Variants in CAGE1 observed in about 807,000 individuals in gnomAD.
CAGE1 encodes cancer antigen 1, also known as cancer-associated gene 1 protein.
A neutral mutation model predicts 94.9 loss-of-function variants in CAGE1; 66 were observed. That is an observed-to-expected ratio of 0.70 (90% CI 0.57 to 0.85). The LOEUF (loss-of-function observed/expected upper bound fraction) is 0.85. Ranked by LOEUF, CAGE1 falls within the 40% of genes least tolerant of loss-of-function variation. CAGE1 has a pLI of 0.00. For synonymous variants in CAGE1, 319 were observed against 321.0 expected (o/e 0.99, Z 0.07); for missense variants, 865 against 950.4 (o/e 0.91, Z 1.18).
At chr6:7,349,932 CA>C (rs761682237) in intron 11 of CAGE1, among the ~76,000 whole-genome samples, 4,737 of 77,588 alleles carry the variant, frequency 0.061, 95 homozygotes, top group Non-Finnish European at 0.085. Flanking sequence ...ACACTTGTCT[CA>C]AAAAAAAAAA....
At chr6:7,363,029 C>T (rs1049471837) in intron 9 of CAGE1, among the ~76,000 whole-genome samples, 1 of 152,152 alleles carries the variant, frequency 6.6e-6, no homozygotes, top group African/African-American at 2.4e-5. Context: ...TTCCCAGAGA[C>T]TTTGAGAGGC....
intron 12 of CAGE1, chr6:7,331,286 T>C (rs1758745023): frequency 1.1e-6 from 1 of 913,120 alleles, no homozygotes. Flanking sequence ...CAGTGGTTTA[T>C]CACATGGCAA....
intron 11 of CAGE1, among the ~76,000 whole-genome samples, chr6:7,334,493 C>T (rs1267936656): frequency 6.6e-6 from 1 of 152,100 alleles, no homozygotes; most frequent in African/African-American, 2.4e-5. Flanking sequence ...CTTTGGGAGG[C>T]TGAGGCAGGC....
At chr6:7,329,677 A>G (rs1758677462) in intron 13 of CAGE1, among the ~76,000 whole-genome samples, 172 bp downstream of exon 13, 1 of 152,140 alleles carries the variant, frequency 6.6e-6, no homozygotes, top group Non-Finnish European at 1.5e-5. Flanking sequence ...GGGGTTTCCA[A>G]TTATAGCACC....
At chr6:7,369,461 T>G (rs545862559) in intron 6 of CAGE1, among the ~76,000 whole-genome samples, 1 of 152,330 alleles carries the variant, frequency 6.6e-6, no homozygotes, top group East Asian at 1.9e-4. Flanking sequence ...AGCCAGCATC[T>G]GAACTCATCT....
At chr6:7,363,638 A>C (rs1221718407) in intron 9 of CAGE1, among the ~76,000 whole-genome samples, 1 of 152,160 alleles carries the variant, frequency 6.6e-6, no homozygotes, top group Non-Finnish European at 1.5e-5. Flanking sequence ...TAGGTCTAGA[A>C]GCTAGCTTTT....
chr6:7,334,146 T>C, intron 11 of CAGE1, 56 bp from the exon 12 acceptor site: 8 of 1,061,754 alleles, frequency 7.5e-6, no homozygotes, highest in Non-Finnish European at 9.6e-6. Context: ...TAGACCAATA[T>C]TTTGTTAGAT....
intron 2 of CAGE1, among the ~76,000 whole-genome samples, chr6:7,386,736 G>A (rs995063789): frequency 3.3e-5 from 5 of 152,136 alleles, no homozygotes; most frequent in Non-Finnish European, 5.9e-5. Context: ...ACAGGTGCTC[G>A]CTTCCATGCC....
At position 7,378,810 on chromosome 6, in the gene CAGE1, T is replaced by G. The variant is rs760639703; in HGVS notation, c.494A>C (p.Asn165Thr). The change falls in exon 4 of 14, where the codon AAT (asparagine) becomes ACT (threonine). Residue 165 changes from asparagine to threonine, a missense_variant. Asn to Thr is a moderately conservative substitution (Grantham distance 65, BLOSUM62 0). Coordinates refer to ENST00000502583, the MANE Select transcript of CAGE1 (RefSeq NM_001170692.2). Reference protein sequence around the residue: ...NIKQDSFKEENPMETSVSANT... With the variant: ...NIKQDSFKEETPMETSVSANT... ...TGCAGAAACACTAGTTTCCATTGGATTTTCTTCCTTAAATGAGTCTTGCTT... is the reference window on the plus strand; with the variant it reads ...TGCAGAAACACTAGTTTCCATTGGAGTTTCTTCCTTAAATGAGTCTTGCTT... 39 of 1,613,544 alleles carry G rather than the reference T, an allele frequency of 2.4e-5. No individual in the cohort carries two copies. Among genetic ancestry groups the G allele is most frequent in the Non-Finnish European group, 3.1e-5 (37 of 1,179,776 alleles).
At chr6:7,368,935 C>A in intron 6 of CAGE1, 137 bp from the exon 7 acceptor site, 1 of 566,928 alleles carries the variant, frequency 1.8e-6, no homozygotes, top group Non-Finnish European at 3.1e-6. Flanking sequence ...TCATATTGAA[C>A]TCCATTCCTC....
intron 4 of CAGE1, among the ~76,000 whole-genome samples, chr6:7,378,193 G>T (rs1226215612): frequency 6.6e-6 from 1 of 151,980 alleles, no homozygotes; most frequent in Non-Finnish European, 1.5e-5. Flanking sequence ...CTTGTTTGTG[G>T]TGAAAAAAAA....
chr6:7,329,890 T>A lies in CAGE1; in HGVS notation c.2439-2A>T, dbSNP rs1446861227. 1.2e-5 allele frequency: 17 copies of A among 1,392,836 alleles called. No individual in the cohort carries two copies. The highest frequency in any genetic ancestry group is 1.7e-5 in the Non-Finnish European group (17 of 996,434). 86.3% of individuals were successfully genotyped at this position (1,392,836 alleles called of 1,614,324 possible). On this transcript the variant is annotated splice_acceptor_variant, in intron 12 of 13. Transcript: ENST00000502583. LOFTEE classifies it high-confidence loss of function. The stretch of plus-strand genomic sequence containing the variant: ...GGATGATTTTCTAAGCTTTTTGATC[T>A]GTAAGAAATAGAAAGAAAATAATGT...
chr6:7,386,565 G>A (rs1321594010), intron 2 of CAGE1, among the ~76,000 whole-genome samples: 1 of 152,144 alleles, frequency 6.6e-6, no homozygotes, highest in East Asian at 1.9e-4. Flanking sequence ...TCCCCTGGCT[G>A]CACTCCTGGC....
Position 7,341,368 on chromosome 6 carries a change from G to C in CAGE1, c.2370-7278C>G. 3 of 772,606 alleles carry C rather than the reference G, an allele frequency of 3.9e-6. No homozygotes were observed. The East Asian group carries it at 8.7e-5, about 22-fold the overall frequency. 47.9% of individuals were successfully genotyped at this position (772,606 alleles called of 1,614,324 possible). A position where few individuals can be genotyped will look rare whatever the true frequency, so the allele number is the denominator to read the frequency against. On this transcript the variant is annotated intron_variant, in intron 11 of 13. Transcript: ENST00000502583. Reference sequence around the variant, plus strand: ...ACATGGGTCCTGTTGTGATCAGGCAGACTTTTCATGCTTAGGACACTGTGG... The same window carrying C: ...ACATGGGTCCTGTTGTGATCAGGCACACTTTTCATGCTTAGGACACTGTGG...
intron 2 of CAGE1, 86 bp downstream of exon 2, chr6:7,386,893 T>C (rs1266893699): frequency 1.1e-6 from 1 of 922,492 alleles, no homozygotes; most frequent in Non-Finnish European, 1.7e-6. Context: ...TTATTGTTCC[T>C]TATAGTTTTG....
Position 7,339,378 on chromosome 6 carries a change from C to A in CAGE1, c.2370-5288G>T, listed in dbSNP as rs1054899358. The A allele has an allele frequency of 4.4e-6, 7 of 1,607,612 alleles. No homozygotes were observed. Among genetic ancestry groups the A allele is most frequent in the Admixed American group, 1.7e-5 (1 of 59,992 alleles). On this transcript the variant is annotated intron_variant, in intron 11 of 13. Transcript: ENST00000502583. This position sits in a 1 kb window ranked among gnomAD's most constrained non-coding sequence, Gnocchi z 4.7. ...TACAGCAGTCAGTTCCCGAATCCGC[C>A]GGCCCTTCTCACCAAGAACATTCTG...
chr6:7,328,576 T>C (rs761010160), intron 13 of CAGE1, among the ~76,000 whole-genome samples: 16 of 151,906 alleles, frequency 1.1e-4, no homozygotes, highest in Non-Finnish European at 4.4e-5. Flanking sequence ...AGGTAGGAAG[T>C]AGAACCATGG....
At chr6:7,343,198 A>AAAAAAAGAAAAGAAAAG (rs574460085) in intron 11 of CAGE1, among the ~76,000 whole-genome samples, 1 of 137,320 alleles carries the variant, frequency 7.3e-6, no homozygotes, top group African/African-American at 2.8e-5. Context: ...CACAAAAAAA[A>AAAAAAAGAAAAGAAAAG]AAAAGAAAAG....
intron 11 of CAGE1, chr6:7,342,113 G>T: frequency 3.1e-6 from 3 of 974,586 alleles, no homozygotes; most frequent in Non-Finnish European, 5.0e-6. Context: ...GATAGGTCAC[G>T]GCTGATGAAG....
Sources: gnomAD v4.1 joint callset for allele counts (sites outside exome capture counted in the v4.1 genomes callset) on GRCh38, gnomAD v4.1.1 for gene constraint, Gnocchi (gnomAD v3.1) non-coding constraint, MANE v1.5 for transcripts, NCBI Gene and HGNC (gene_info 2026-07-23, HGNC 2026-07-21) for gene names.